The following SSH2 variants were observed in gnomAD, a reference collection of about 807,000 sequenced individuals.
SSH2 encodes the protein protein phosphatase Slingshot homolog 2.
Under a neutral mutation model 135.2 loss-of-function variants are expected in SSH2, and 37 were observed. That is an observed-to-expected ratio of 0.27 (90% confidence interval 0.21 to 0.36). The LOEUF is 0.36. Ranked by LOEUF, SSH2 falls within the 10% of genes least tolerant of loss-of-function variation. The pLI, the probability that SSH2 is intolerant of heterozygous loss-of-function variation, is 1.00. For missense variants in SSH2, 1,408 were observed against 1,765.3 expected (o/e 0.80, Z 3.63); for synonymous variants, 628 against 646.2 (o/e 0.97, Z 0.43).
intron 3 of SSH2, among the ~76,000 whole-genome samples, chr17:29,769,627 T>C (rs1296691649): frequency 6.6e-6 from 1 of 152,182 alleles, no homozygotes; most frequent in Non-Finnish European, 1.5e-5. Context: ...GGCATCACCA[T>C]CATCTTATTT....
chr17:29,715,547 C>G (rs2039594980), intron 3 of SSH2, among the ~76,000 whole-genome samples: 1 of 152,004 alleles, frequency 6.6e-6, no homozygotes, highest in Non-Finnish European at 1.5e-5. Context: ...ACCTAGCCTC[C>G]ATGTCCTATT....
chr17:29,713,236 G>A (rs569752750), intron 3 of SSH2, among the ~76,000 whole-genome samples: 4 of 152,300 alleles, frequency 2.6e-5, no homozygotes, highest in African/African-American at 9.6e-5. Context: ...TCGGGAGGCT[G>A]AGGCAGGAGA....
At chr17:29,653,274 T>G (rs1318089107) in intron 12 of SSH2, among the ~76,000 whole-genome samples, 1 of 152,186 alleles carries the variant, frequency 6.6e-6, no homozygotes, top group East Asian at 1.9e-4. Flanking sequence ...CTATATGTGG[T>G]TTTGTGTACA....
intron 2 of SSH2, among the ~76,000 whole-genome samples, chr17:29,837,088 C>T (rs766395535): frequency 6.6e-6 from 1 of 152,048 alleles, no homozygotes; most frequent in Non-Finnish European, 1.5e-5. Context: ...GAAACCCATT[C>T]TCTACTAAAA....
At chr17:29,651,186 A>G (rs2036564760) in intron 12 of SSH2, among the ~76,000 whole-genome samples, 1 of 152,232 alleles carries the variant, frequency 6.6e-6, no homozygotes, top group Non-Finnish European at 1.5e-5. Flanking sequence ...CAGCAATACA[A>G]TTTATTCTCT....
chr17:29,692,147 T>A (rs535055487), intron 5 of SSH2, among the ~76,000 whole-genome samples: 4,305 of 122,248 alleles, frequency 0.035, 200 homozygotes, highest in African/African-American at 0.12. Flanking sequence ...CTCAAAAAAA[T>A]AAATAAATAA....
At chr17:29,869,579 G>C (rs973792152) in intron 1 of SSH2, among the ~76,000 whole-genome samples, 1 of 152,184 alleles carries the variant, frequency 6.6e-6, no homozygotes, top group South Asian at 2.1e-4. Flanking sequence ...ACCCAAAATA[G>C]GAGAGCATCA....
In SSH2 at chr17:29,643,264, A is replaced by G. The variant is rs552382608; in HGVS notation, c.1427+4880T>C. ...CCTACAAGTACCAAGGTGTCCTAAT[A>G]ACACATCATAGATTGCAGACCCTAA... On this transcript the variant is annotated intron_variant, in intron 14 of 15. Coordinates refer to ENST00000540801, the MANE Select transcript of SSH2 (RefSeq NM_001282129.2). 11 of 985,282 alleles carry G rather than the reference A, an allele frequency of 1.1e-5. No homozygotes were observed. In the South Asian group the frequency reaches 4.7e-4, roughly 42 times the overall value. 61.0% of individuals were successfully genotyped at this position (985,282 alleles called of 1,614,324 possible).
At chr17:29,756,734 A>C (rs1056742634) in intron 3 of SSH2, among the ~76,000 whole-genome samples, 1 of 151,750 alleles carries the variant, frequency 6.6e-6, no homozygotes, top group African/African-American at 2.4e-5. Context: ...CGCTCATGGC[A>C]ACCTCTGCCT....
chr17:29,882,667 G>A (rs375135158), intron 1 of SSH2, among the ~76,000 whole-genome samples: 178 of 152,230 alleles, frequency 1.2e-3, no homozygotes, highest in Non-Finnish European at 2.0e-3. Flanking sequence ...CAGGAGAATC[G>A]CTTGAACCCG....
chr17:29,724,705 T>G (rs1338817458), intron 3 of SSH2, among the ~76,000 whole-genome samples: 1 of 147,182 alleles, frequency 6.8e-6, no homozygotes, highest in African/African-American at 2.5e-5. Context: ...TTCTCCTGCC[T>G]CTGCCTCCCG....
At chr17:29,929,912 C>G (rs770322310) in intron 1 of SSH2, 26 bp downstream of exon 1, 105 of 1,573,262 alleles carry the variant, frequency 6.7e-5, no homozygotes, top group Non-Finnish European at 8.5e-5. Context: ...CAGAAGCAAG[C>G]GGAGCGGCCG....
Position 29,631,944 on chromosome 17 carries a change from C to T in SSH2, c.3250G>A (p.Asp1084Asn). Reference protein sequence around the residue: ...EKSVTVLCTLDENLNRTLDPN... With the variant: ...EKSVTVLCTLNENLNRTLDPN... ...TCCAGAGTCCTGTTTAGATTTTCAT[C>T]CAGTGTGCAGAGCACAGTGACAGAT... The change falls in exon 16 of 16, where the codon GAT becomes AAT. Residue 1084 changes from aspartate to asparagine, a missense_variant. Physicochemically the swap from Asp to Asn is conservative, Grantham distance 23. This residue lies in a region of SSH2 where 1,080 missense variants were observed against 1,144.5 expected (regional missense o/e 0.94). Coordinates refer to ENST00000540801, the MANE Select transcript of SSH2 (RefSeq NM_001282129.2). The T allele has an allele frequency of 2.5e-6, 4 of 1,614,144 alleles. No homozygotes were observed. The highest frequency in any genetic ancestry group is 3.4e-6 in the Non-Finnish European group (4 of 1,180,020).
At position 29,676,801 on chromosome 17, in the gene SSH2, A is replaced by T. The variant is rs1205710973; in HGVS notation, c.614+19T>A. On this transcript the variant is annotated intron_variant, in intron 8 of 15. Transcript: ENST00000540801. Reference sequence around the variant, plus strand: ...ATAACATTAAAACACTTTTGTAGAGATAGTAAAAGTCATCTTACCACATTG... The same window carrying T: ...ATAACATTAAAACACTTTTGTAGAGTTAGTAAAAGTCATCTTACCACATTG... 2 of 1,592,130 alleles carry T rather than the reference A, an allele frequency of 1.3e-6. No individual in the cohort carries two copies. Among genetic ancestry groups the T allele is most frequent in the South Asian group, 2.2e-5 (2 of 90,322 alleles).
intron 2 of SSH2, among the ~76,000 whole-genome samples, chr17:29,805,385 G>C (rs1281138181): frequency 6.6e-6 from 1 of 152,004 alleles, no homozygotes; most frequent in Non-Finnish European, 1.5e-5. Flanking sequence ...TTGAACTCCT[G>C]ACCTCGTGAT....
chr17:29,808,752 T>G (rs1267357097), intron 2 of SSH2, among the ~76,000 whole-genome samples: 3 of 152,172 alleles, frequency 2.0e-5, no homozygotes. Context: ...GACTCTGATA[T>G]GTGCATTTGC....
intron 2 of SSH2, 34 bp downstream of exon 2, chr17:29,848,815 A>C (rs1392890543): frequency 1.3e-5 from 18 of 1,377,522 alleles, no homozygotes; most frequent in Non-Finnish European, 1.7e-5. Context: ...TACTTGAATC[A>C]CCAAAGTCTG....
intron 5 of SSH2, among the ~76,000 whole-genome samples, chr17:29,691,259 A>G (rs774600402): frequency 6.6e-6 from 1 of 152,338 alleles, no homozygotes; most frequent in East Asian, 1.9e-4. Flanking sequence ...TCAACACTTC[A>G]GCTTTAGTTA....
At chr17:29,807,270 A>G (rs1298713425) in intron 2 of SSH2, among the ~76,000 whole-genome samples, 2 of 152,240 alleles carry the variant, frequency 1.3e-5, no homozygotes, top group Non-Finnish European at 2.9e-5. Context: ...AGTAAAAAAG[A>G]AATTAGAATA....
Sources: gnomAD v4.1 joint callset for allele counts (sites outside exome capture counted in the v4.1 genomes callset) on GRCh38, gnomAD v4.1.1 for gene constraint, gnomAD v4.1.1 regional missense constraint, MANE v1.5 for transcripts, NCBI Gene and HGNC (gene_info 2026-07-23, HGNC 2026-07-21) for gene names.